The following AHSA1 variants were observed in gnomAD, a reference collection of about 807,000 sequenced individuals.
AHSA1 encodes activator of HSP90 ATPase activity 1.
Under a neutral mutation model 46.1 loss-of-function variants are expected in AHSA1, and 14 were observed. That is an observed-to-expected ratio of 0.30 (90% CI 0.20 to 0.47). AHSA1 has a LOEUF of 0.47. AHSA1 is among the 20% of genes least tolerant of loss of function. The pLI, the probability that AHSA1 is intolerant of heterozygous loss-of-function variation, is 0.99. For synonymous variants in AHSA1, 147 were observed against 145.8 expected (o/e 1.01, Z -0.06); for missense variants, 333 against 415.9 (o/e 0.80, Z 1.73).
In AHSA1 at chr14:77,463,008, G is replaced by A. The variant is rs115565338; in HGVS notation, c.472+249G>A. ...GAAATGTACTGTGATGGCCTGGCGCGGTGGCTCACACTTGTAATCCCAGCA... is the reference window on the plus strand; with the variant it reads ...GAAATGTACTGTGATGGCCTGGCGCAGTGGCTCACACTTGTAATCCCAGCA... On this transcript the variant is annotated intron_variant, in intron 4 of 8. Transcript: ENST00000216479. The A allele has an allele frequency of 2.4e-3, 893 of 377,746 alleles. 2 individuals carry two copies. The highest frequency in any genetic ancestry group is 0.016 in the African/African-American group (800 of 48,722). The allele number at this position is 377,746 out of a possible 1,614,324, so 23.4% of individuals were successfully genotyped here.
chr14:77,464,799 C>T (rs1161988280), intron 5 of AHSA1, 113 bp downstream of exon 5: 50 of 861,392 alleles, frequency 5.8e-5, no homozygotes, highest in South Asian at 1.4e-4. Flanking sequence ...GACCAGCCTG[C>T]GATCTGCTCA....
At chr14:77,462,510 A>G in intron 3 of AHSA1, 132 bp from the exon 4 acceptor site, 1 of 870,294 alleles carries the variant, frequency 1.1e-6, no homozygotes, top group Non-Finnish European at 1.9e-6. Context: ...ACTAATGGGG[A>G]TTGTACGAAT....
chr14:77,468,846 T>G, intron 8 of AHSA1: 1 of 629,554 alleles, frequency 1.6e-6, no homozygotes, highest in Non-Finnish European at 2.8e-6. Flanking sequence ...CCTCCCAAAG[T>G]GCTGGGATTA....
chr14:77,459,053 C>T (rs1329725051), intron 1 of AHSA1, among the ~76,000 whole-genome samples: 3 of 152,152 alleles, frequency 2.0e-5, no homozygotes, highest in Non-Finnish European at 2.9e-5. Flanking sequence ...TTTGTATTCT[C>T]TCTTCTTAAC....
chr14:77,458,017 G>C, upstream of AHSA1: 1 of 556,760 alleles, frequency 1.8e-6, no homozygotes, highest in Non-Finnish European at 3.1e-6. Flanking sequence ...ACCGGTGGGA[G>C]TGGGGAGGAG....
At chr14:77,468,326 G>A in intron 7 of AHSA1, 131 bp from the exon 8 acceptor site, 1 of 1,166,108 alleles carries the variant, frequency 8.6e-7, no homozygotes, top group Non-Finnish European at 1.2e-6. Flanking sequence ...AAAAGGCTGT[G>A]ATTTGAACTG....
intron 5 of AHSA1, 82 bp from the exon 6 acceptor site, chr14:77,465,457 A>G: frequency 6.8e-7 from 1 of 1,462,820 alleles, no homozygotes; most frequent in African/African-American, 1.4e-5. Context: ...ATGAGAATGA[A>G]TGGTACAACT....
Position 77,469,385 on chromosome 14 carries a change from G to A in AHSA1, c.*136G>A. On this transcript the variant is annotated 3_prime_UTR_variant, in exon 9 of 9. Transcript: ENST00000216479. ...GCCCCTCCCTTCCACATATACCTTG[G>A]GTTTGTGCATGTTTTCTGCTGGGTG... 3 of 1,024,320 alleles carry A rather than the reference G, an allele frequency of 2.9e-6. No homozygotes were observed. The highest frequency in any genetic ancestry group is 4.2e-6 in the Non-Finnish European group (3 of 710,834). 63.5% of individuals were successfully genotyped at this position (1,024,320 alleles called of 1,614,324 possible). A position where few individuals can be genotyped will look rare whatever the true frequency, so the allele number is the denominator to read the frequency against.
Position 77,462,714 on chromosome 14 carries a change from C to T in AHSA1, c.427C>T (p.Leu143Phe). The T allele has an allele frequency of 6.2e-7, 1 of 1,614,176 alleles. No individual in the cohort carries two copies. The highest frequency in any genetic ancestry group is 1.1e-5 in the South Asian group (1 of 91,084). The change falls in exon 4 of 9, where the codon CTT (leucine) becomes TTT (phenylalanine). Residue 143 changes from leucine (L) to phenylalanine (F), a missense_variant. Physicochemically the swap from Leu to Phe is conservative, Grantham distance 22 (BLOSUM62 0). Coordinates refer to ENST00000216479, the MANE Select transcript of AHSA1 (RefSeq NM_012111.3). Reference sequence around the variant, plus strand: ...CTTAATGAAGGAAGAAGGGGTGAAACTTCTAAGAGAAGCAATGGGAATTTA... The same window carrying T: ...CTTAATGAAGGAAGAAGGGGTGAAATTTCTAAGAGAAGCAATGGGAATTTA... Reference protein sequence around the residue: ...VALMKEEGVKLLREAMGIYIS... With the variant: ...VALMKEEGVKFLREAMGIYIS...
At chr14:77,467,576 C>T (rs2079052842) in intron 6 of AHSA1, among the ~76,000 whole-genome samples, 1 of 152,190 alleles carries the variant, frequency 6.6e-6, no homozygotes, top group Non-Finnish European at 1.5e-5. Flanking sequence ...CGCCTGTAAT[C>T]CCAGCTACTA....
At position 77,469,341 on chromosome 14, in the gene AHSA1, C is replaced by G; in HGVS notation, c.*92C>G. 6.7e-7 allele frequency: 1 copy of G among 1,499,778 alleles called. No individual in the cohort carries two copies. The highest frequency in any genetic ancestry group is 9.0e-7 in the Non-Finnish European group (1 of 1,114,378). 92.9% of individuals were successfully genotyped at this position (1,499,778 alleles called of 1,614,324 possible). ...GACTCACAGGATTGCATCGTCCCAGCTGCTAACTTGGGGCCGGGGCCCCTC... is the reference window on the plus strand; with the variant it reads ...GACTCACAGGATTGCATCGTCCCAGGTGCTAACTTGGGGCCGGGGCCCCTC... On this transcript the variant is annotated 3_prime_UTR_variant, in exon 9 of 9. Coordinates refer to ENST00000216479, the MANE Select transcript of AHSA1 (RefSeq NM_012111.3).
intron 3 of AHSA1, 156 bp downstream of exon 3, chr14:77,462,398 A>G: frequency 1.3e-6 from 1 of 776,448 alleles, no homozygotes; most frequent in Non-Finnish European, 2.1e-6. Context: ...TGCCATTGGA[A>G]ACTTCTAGAG....
intron 8 of AHSA1, chr14:77,468,867 C>A (rs759093870): frequency 1.6e-6 from 1 of 639,018 alleles, no homozygotes; most frequent in Non-Finnish European, 2.7e-6. Flanking sequence ...CAGGTGCATG[C>A]CACCACGCCC....
Position 77,468,392 on chromosome 14 carries a change from T to G in AHSA1, c.793-65T>G, listed in dbSNP as rs367897944. ...AGACTCCGTATGAAGGGCAGATGACTGATCCTAGCTAGGATTGGGTACATT... is the reference window on the plus strand; with the variant it reads ...AGACTCCGTATGAAGGGCAGATGACGGATCCTAGCTAGGATTGGGTACATT... On this transcript the variant is annotated intron_variant, in intron 7 of 8. Transcript: ENST00000216479. The G allele has an allele frequency of 2.7e-4, 389 of 1,466,426 alleles. 1 individual carries two copies. Among genetic ancestry groups the G allele is most frequent in the Non-Finnish European group, 3.5e-4 (370 of 1,053,462 alleles). 90.8% of individuals were successfully genotyped at this position (1,466,426 alleles called of 1,614,324 possible).
chr14:77,464,772 C>G (rs976602378), intron 5 of AHSA1, 86 bp downstream of exon 5: 5 of 1,221,450 alleles, frequency 4.1e-6, no homozygotes, highest in Non-Finnish European at 4.6e-6. Context: ...CTCTCTGTGT[C>G]CCTAACCTCT....
At chr14:77,468,589 G>C in intron 8 of AHSA1, 81 bp downstream of exon 8, 1 of 1,169,858 alleles carries the variant, frequency 8.5e-7, no homozygotes, top group Non-Finnish European at 1.2e-6. Context: ...TTTGGAAACA[G>C]GGTCTCACTG....
chr14:77,469,271 G>C lies in AHSA1; in HGVS notation c.*22G>C. On this transcript the variant is annotated 3_prime_UTR_variant, in exon 9 of 9. Transcript: ENST00000216479. Reference sequence around the variant, plus strand: ...TTAGGGCCAGCGGCAGGGGACTCCAGCCTGCTGGACACTTCAGTCCAGCTC... The same window carrying C: ...TTAGGGCCAGCGGCAGGGGACTCCACCCTGCTGGACACTTCAGTCCAGCTC... 6.2e-7 allele frequency: 1 copy of C among 1,612,030 alleles called. No homozygotes were observed. The highest frequency in any genetic ancestry group is 1.3e-5 in the African/African-American group (1 of 75,054).
chr14:77,460,898 G>A (rs967141969), intron 2 of AHSA1, among the ~76,000 whole-genome samples: 1 of 152,004 alleles, frequency 6.6e-6, no homozygotes, highest in Non-Finnish European at 1.5e-5. Context: ...GGTGGCTAAC[G>A]CCTGTAATCC....
At chr14:77,462,909 G>A in intron 4 of AHSA1, 150 bp downstream of exon 4, 1 of 657,930 alleles carries the variant, frequency 1.5e-6, no homozygotes, top group Admixed American at 2.3e-5. Context: ...CATAAGCTCG[G>A]AGTAAGGGAA....
Sources: allele counts gnomAD v4.1 joint callset (sites outside exome capture counted in the v4.1 genomes callset), GRCh38; gene constraint gnomAD v4.1.1; transcripts MANE v1.5; gene names NCBI Gene and HGNC (gene_info 2026-07-23, HGNC 2026-07-21).